GABBR2: variants seen among roughly 807,000 people sequenced by gnomAD.
GABBR2 encodes the protein G-protein coupled receptor 51.
In GABBR2, 23 loss-of-function variants were observed where a neutral mutation model predicts 105.6. The observed-to-expected ratio is 0.22, with a 90% CI of 0.16 to 0.31. The LOEUF is 0.31. Ranked by LOEUF, GABBR2 falls within the 10% of genes least tolerant of loss-of-function variation. The pLI, the probability that GABBR2 is intolerant of heterozygous loss-of-function variation, is 1.00. For synonymous variants in GABBR2, 478 were observed against 499.7 expected (o/e 0.96, Z 0.58); for missense variants, 734 against 1,245.5 (o/e 0.59, Z 6.18).
chr9:98,457,246 A>AC (rs1826340205), intron 6 of GABBR2, among the ~76,000 whole-genome samples: 2 of 152,312 alleles, frequency 1.3e-5, no homozygotes, highest in East Asian at 3.9e-4. Flanking sequence ...CCCTTGTTCG[A>AC]CCTAATGACT....
chr9:98,700,064 C>T (rs540674067), intron 1 of GABBR2, among the ~76,000 whole-genome samples: 5 of 152,306 alleles, frequency 3.3e-5, no homozygotes, highest in African/African-American at 1.2e-4. Flanking sequence ...TCCCTTCCCC[C>T]ACATCCTCTG....
At chr9:98,544,427 T>C (rs543761408) in intron 2 of GABBR2, among the ~76,000 whole-genome samples, 7 of 152,268 alleles carry the variant, frequency 4.6e-5, no homozygotes, top group Admixed American at 3.3e-4. Context: ...AGAGCCCCCG[T>C]AGAAACCATC....
intron 1 of GABBR2, among the ~76,000 whole-genome samples, chr9:98,668,850 T>A (rs534213003): frequency 1.9e-4 from 29 of 152,264 alleles, no homozygotes; most frequent in African/African-American, 6.5e-4. Flanking sequence ...TGTCTGAATT[T>A]CCTTCCTCTT....
At chr9:98,620,962 T>C (rs1372440739) in intron 1 of GABBR2, among the ~76,000 whole-genome samples, 1 of 152,014 alleles carries the variant, frequency 6.6e-6, no homozygotes. Context: ...ATTAAACATG[T>C]GAAACACTAG....
At chr9:98,584,997 C>T (rs960685707) in intron 1 of GABBR2, among the ~76,000 whole-genome samples, 16 of 152,162 alleles carry the variant, frequency 1.1e-4, no homozygotes, top group African/African-American at 1.7e-4. Flanking sequence ...AGAGTGACTC[C>T]GAGAGATGTC....
In GABBR2 at chr9:98,680,419, C is replaced by T. The variant is rs187868151; in HGVS notation, c.321+27998G>A. 6.5e-3 allele frequency among the ~76,000 whole-genome samples: 991 copies of T among 152,188 alleles called. 15 individuals carry two copies. Among genetic ancestry groups the T allele is most frequent in the African/African-American group, 0.023 (935 of 41,530 alleles). On this transcript the variant is annotated intron_variant, in intron 1 of 18. Transcript: ENST00000259455. Reference sequence around the variant, plus strand: ...CTCCCAGGTTCACGCCATTTTCCTGCCTCAGCCTCACGAGTAGCTGGGACT... The same window carrying T: ...CTCCCAGGTTCACGCCATTTTCCTGTCTCAGCCTCACGAGTAGCTGGGACT...
chr9:98,665,051 C>G (rs4743256), intron 1 of GABBR2, among the ~76,000 whole-genome samples: 141,376 of 152,276 alleles, frequency 0.93, 65,752 homozygotes, highest in Middle Eastern at 0.97. Flanking sequence ...AGGACCACTT[C>G]AGCCTCAGAG....
intron 3 of GABBR2, among the ~76,000 whole-genome samples, chr9:98,519,680 T>C (rs560868362): frequency 6.6e-6 from 1 of 151,182 alleles, no homozygotes; most frequent in African/African-American, 2.4e-5. Flanking sequence ...CTTTCTACAA[T>C]AGCCTATGCT....
At chr9:98,320,783 T>A (rs1373609625) in intron 13 of GABBR2, among the ~76,000 whole-genome samples, 1 of 128,898 alleles carries the variant, frequency 7.8e-6, no homozygotes, top group Non-Finnish European at 1.6e-5. Context: ...AACAATGAGA[T>A]CACATGGACA....
intron 3 of GABBR2, among the ~76,000 whole-genome samples, chr9:98,515,043 C>G (rs1008310777): frequency 6.6e-6 from 1 of 152,140 alleles, no homozygotes; most frequent in African/African-American, 2.4e-5. Context: ...CCCTCAGAGA[C>G]AGAACTTTCT....
chr9:98,493,950 G>C (rs1385276839), intron 4 of GABBR2, among the ~76,000 whole-genome samples: 4 of 152,186 alleles, frequency 2.6e-5, no homozygotes, highest in African/African-American at 4.8e-5. Flanking sequence ...AAAATGAATA[G>C]AAGTCCAGAT....
chr9:98,424,887 C>T (rs376656509), intron 7 of GABBR2, among the ~76,000 whole-genome samples: 3 of 151,880 alleles, frequency 2.0e-5, no homozygotes, highest in African/African-American at 4.8e-5. Context: ...GAATCAATAT[C>T]GTGAAAATGG....
chr9:98,395,299 G>C (rs971035487), intron 8 of GABBR2, among the ~76,000 whole-genome samples: 1 of 152,158 alleles, frequency 6.6e-6, no homozygotes, highest in Admixed American at 6.5e-5. Context: ...ACCCAGGAGG[G>C]CTTCAAATAC....
intron 9 of GABBR2, among the ~76,000 whole-genome samples, chr9:98,389,624 T>C (rs1832142864): frequency 6.6e-6 from 1 of 152,234 alleles, no homozygotes; most frequent in Non-Finnish European, 1.5e-5. Context: ...AGAACTGGCC[T>C]GGAACTGTGG....
chr9:98,572,410 C>G (rs1227359546), intron 2 of GABBR2, among the ~76,000 whole-genome samples: 1 of 152,220 alleles, frequency 6.6e-6, no homozygotes, highest in Non-Finnish European at 1.5e-5. Flanking sequence ...CTCTGTCCAG[C>G]AAGCATTGCT....
chr9:98,294,008 G>C (rs1830343091), intron 17 of GABBR2, 106 bp from the exon 18 acceptor site: 2 of 755,284 alleles, frequency 2.6e-6, no homozygotes, highest in Non-Finnish European at 2.4e-6. Context: ...GAATGCAAAA[G>C]AGCCCATTAT....
At chr9:98,612,318 A>G (rs1829516407) in intron 1 of GABBR2, among the ~76,000 whole-genome samples, 1 of 152,108 alleles carries the variant, frequency 6.6e-6, no homozygotes, top group Non-Finnish European at 1.5e-5. Context: ...GAATAACGGC[A>G]TTTTTTTCAA....
chr9:98,685,038 A>G (rs1053466398), intron 1 of GABBR2, among the ~76,000 whole-genome samples: 7 of 152,220 alleles, frequency 4.6e-5, no homozygotes, highest in Non-Finnish European at 1.0e-4. Context: ...CATTTGAGTC[A>G]GTGAACTAGG....
At chr9:98,653,867 G>A (rs1211271966) in intron 1 of GABBR2, among the ~76,000 whole-genome samples, 1 of 152,166 alleles carries the variant, frequency 6.6e-6, no homozygotes, top group African/African-American at 2.4e-5. Flanking sequence ...GATGCATGTA[G>A]TATGCCAGGT....
Sources: allele counts gnomAD v4.1 joint callset (sites outside exome capture counted in the v4.1 genomes callset), GRCh38; gene constraint gnomAD v4.1.1; transcripts MANE v1.5; gene names NCBI Gene and HGNC (gene_info 2026-07-23, HGNC 2026-07-21).